IGF2R: variants seen among roughly 807,000 people sequenced by gnomAD.
IGF2R encodes insulin like growth factor 2 receptor.
In IGF2R, 91 loss-of-function variants were observed where a neutral mutation model predicts 270.6. That is an observed-to-expected ratio of 0.34 (90% CI 0.28 to 0.40). The LOEUF (loss-of-function observed/expected upper bound fraction) is 0.40, where lower values mean the gene tolerates loss of function less well. IGF2R is among the 10% of genes least tolerant of loss of function. The pLI, the probability that IGF2R is intolerant of heterozygous loss-of-function variation, is 1.00. For missense variants in IGF2R, 2,805 were observed against 3,188.3 expected, an observed-to-expected ratio of 0.88 and a Z score of 2.90; for synonymous variants, 1,316 against 1,258.9, an observed-to-expected ratio of 1.05 and a Z score of -0.96.
intron 1 of IGF2R, among the ~76,000 whole-genome samples, chr6:159,989,837 C>T (rs748647815): frequency 5.3e-5 from 8 of 152,244 alleles, no homozygotes; most frequent in Non-Finnish European, 1.0e-4. Flanking sequence ...AAAACATTCT[C>T]CCCAGGGAAG....
chr6:160,062,673 T>A lies in IGF2R; in HGVS notation c.3670+54T>A, dbSNP rs552752064. On this transcript the variant is annotated intron_variant, in intron 26 of 47. Transcript: ENST00000356956. The stretch of plus-strand genomic sequence containing the variant: ...TTTTAAATGTATAGAGTAGCAGACG[T>A]TCTGAACGATGCCTTAGATATGAGA... 1.2e-5 allele frequency: 15 copies of A among 1,276,018 alleles called. 1 individual carries two copies. The South Asian group carries it at 1.6e-4, about 14-fold the overall frequency. 79.0% of individuals were successfully genotyped at this position (1,276,018 alleles called of 1,614,324 possible).
Position 159,991,272 on chromosome 6 carries a change from T to C in IGF2R, c.238T>C (p.Ser80Pro). The change falls in exon 2 of 48, where the codon TCA becomes CCA. Residue 80 changes from serine to proline, a missense_variant. Physicochemically the swap from Ser to Pro is moderately conservative, Grantham distance 74. Transcript: ENST00000356956. ...TGTGGATATTGTCCAGTGCGGGCCA[T>C]CAAGTGCTGTTTGTATGCACGACTT... ...GSVDIVQCGPSSAVCMHDLKT... is the reference protein window; with the variant it reads ...GSVDIVQCGPPSAVCMHDLKT... 1 of 1,614,020 alleles carries C rather than the reference T, an allele frequency of 6.2e-7. No homozygotes were observed. The highest frequency in any genetic ancestry group is 8.5e-7 in the Non-Finnish European group (1 of 1,179,942).
intron 10 of IGF2R, among the ~76,000 whole-genome samples, chr6:160,039,391 A>G (rs923832269): frequency 1.3e-5 from 2 of 152,216 alleles, no homozygotes; most frequent in Non-Finnish European, 2.9e-5. Flanking sequence ...AAATGTTGTT[A>G]TGCAGCACGT....
chr6:160,025,981 G>A (rs1777551423), intron 5 of IGF2R, among the ~76,000 whole-genome samples: 1 of 152,312 alleles, frequency 6.6e-6, no homozygotes, highest in South Asian at 2.1e-4. Flanking sequence ...TTGATTCACA[G>A]TAGGGGTGCC....
At chr6:159,979,360 G>T (rs1783743879) in intron 1 of IGF2R, among the ~76,000 whole-genome samples, 3 of 152,192 alleles carry the variant, frequency 2.0e-5, no homozygotes, top group African/African-American at 7.2e-5. Context: ...TTTCCTAGAA[G>T]TGGCAAGCCT....
chr6:160,098,547 G>A (rs566616266), intron 45 of IGF2R, among the ~76,000 whole-genome samples: 43 of 152,212 alleles, frequency 2.8e-4, no homozygotes, highest in South Asian at 8.3e-4. Flanking sequence ...GGCCAGACGC[G>A]GTGGCTCACG....
intron 4 of IGF2R, among the ~76,000 whole-genome samples, chr6:160,022,312 G>C (rs929468583): frequency 6.6e-6 from 1 of 152,182 alleles, no homozygotes; most frequent in Admixed American, 6.5e-5. Flanking sequence ...CAGTATTCCA[G>C]TGCTGGTTAC....
intron 46 of IGF2R, among the ~76,000 whole-genome samples, chr6:160,103,222 A>G (rs1424771160): frequency 6.6e-6 from 1 of 151,972 alleles, no homozygotes; most frequent in East Asian, 1.9e-4. Flanking sequence ...CCACAGGCCA[A>G]TGAGAGAGGT....
At chr6:160,081,762 C>T (rs916036886) in intron 39 of IGF2R, among the ~76,000 whole-genome samples, 2 of 152,192 alleles carry the variant, frequency 1.3e-5, no homozygotes, top group South Asian at 2.1e-4. Flanking sequence ...AAGAATTCAG[C>T]GATATTTCTC....
chr6:160,080,324 G>A (rs1235265637), intron 39 of IGF2R, 49 bp downstream of exon 39: 2 of 1,560,650 alleles, frequency 1.3e-6, no homozygotes, highest in South Asian at 1.1e-5. Context: ...CCTTGATACT[G>A]TCAAGGCTCG....
At chr6:160,072,087 C>T (rs757502459) in intron 32 of IGF2R, 51 bp downstream of exon 32, 1 of 1,609,106 alleles carries the variant, frequency 6.2e-7, no homozygotes, top group African/African-American at 1.3e-5. Context: ...AGACGGTGCC[C>T]CCACCAAACC....
Position 160,009,123 on chromosome 6 carries a change from G to A in IGF2R, c.403G>A (p.Gly135Arg). 6.2e-7 allele frequency: 1 copy of A among 1,613,632 alleles called. No homozygotes were observed. The highest frequency in any genetic ancestry group is 8.5e-7 in the Non-Finnish European group (1 of 1,179,804). The change falls in exon 3 of 48, where the codon GGG (glycine) becomes AGG (arginine). Residue 135 changes from glycine (G) to arginine (R), a missense_variant. By Grantham distance (125) the Gly-to-Arg change is moderately radical. Around this residue, in one of 2 missense-constraint regions of IGF2R, gnomAD observed 954 missense variants for 981.1 expected, o/e 0.97. Transcript: ENST00000356956. ...CCAGAGCAGCATTGCCTTCCTGTGT[G>A]GGAAAACCCTGGTGAGTCCACACAG... ...RVQSSIAFLC[G>R]KTLGTPEFVT...
intron 46 of IGF2R, 79 bp from the exon 47 acceptor site, chr6:160,103,667 G>A (rs1303975680): frequency 1.1e-6 from 1 of 931,292 alleles, no homozygotes; most frequent in East Asian, 2.4e-5. Context: ...GTGCAGATGG[G>A]GGTGGGGCTG....
At chr6:160,063,672 AATTAAAAT>A in intron 27 of IGF2R, 42 bp downstream of exon 27, 1 of 1,452,204 alleles carries the variant, frequency 6.9e-7, no homozygotes, top group Non-Finnish European at 9.6e-7. Context: ...AAAGGAATGG[AATTAAAAT>A]ATTAAAATAT....
chr6:160,065,276 G>A (rs1778543120), intron 29 of IGF2R, among the ~76,000 whole-genome samples: 1 of 152,156 alleles, frequency 6.6e-6, no homozygotes, highest in Admixed American at 6.5e-5. Flanking sequence ...ATCGCCCTCT[G>A]GACACCTGGG....
At chr6:160,033,494 T>G (rs1021785029) in intron 9 of IGF2R, among the ~76,000 whole-genome samples, 1 of 152,228 alleles carries the variant, frequency 6.6e-6, no homozygotes, top group Admixed American at 6.5e-5. Flanking sequence ...TCTCCTTTTC[T>G]TCCTCTTTCC....
At chr6:159,993,374 A>G (rs1784006517) in intron 2 of IGF2R, among the ~76,000 whole-genome samples, 2 of 152,104 alleles carry the variant, frequency 1.3e-5, no homozygotes, top group Admixed American at 6.5e-5. Flanking sequence ...CAGATCTTAC[A>G]TTTAAGTCTC....
intron 2 of IGF2R, among the ~76,000 whole-genome samples, chr6:160,002,555 G>C (rs1348592023): frequency 2.6e-5 from 4 of 152,154 alleles, no homozygotes; most frequent in African/African-American, 9.7e-5. Flanking sequence ...GGTTACCGAG[G>C]TGAAAGAAAA....
chr6:160,027,542 T>C (rs1430580079), intron 6 of IGF2R, among the ~76,000 whole-genome samples: 2 of 152,262 alleles, frequency 1.3e-5, no homozygotes, highest in East Asian at 3.8e-4. Context: ...ATACATCTCA[T>C]GATCCAGTCC....
Sources: allele counts gnomAD v4.1 joint callset (sites outside exome capture counted in the v4.1 genomes callset), GRCh38; gene constraint gnomAD v4.1.1; regional missense constraint gnomAD v4.1.1; transcripts MANE v1.5; gene names NCBI Gene and HGNC (gene_info 2026-07-23, HGNC 2026-07-21).